The following CUX2 variants were observed in gnomAD, a reference collection of about 807,000 sequenced individuals.
The protein encoded by CUX2 is cut like homeobox 2, also known as homeobox protein cut-like 2.
Under a neutral mutation model 144.8 loss-of-function variants are expected in CUX2, and 40 were observed. That is an observed-to-expected ratio of 0.28 (90% CI 0.21 to 0.36). The LOEUF is 0.36. CUX2 is among the 10% of genes least tolerant of loss of function. The probability of loss-of-function intolerance (pLI) is 1.00; values close to 1 mark genes in which losing one functional copy is unlikely to be tolerated. For synonymous variants in CUX2, 827 were observed against 875.6 expected, an observed-to-expected ratio of 0.94 and a Z score of 0.98; for missense variants, 1,615 against 1,994.0, an observed-to-expected ratio of 0.81 and a Z score of 3.62.
At chr12:111,291,140 C>T (rs1038677951) in intron 4 of CUX2, among the ~76,000 whole-genome samples, 17 of 152,196 alleles carry the variant, frequency 1.1e-4, no homozygotes, top group African/African-American at 4.1e-4. Context: ...GCTGGGATTA[C>T]AGGCATGAGC....
chr12:111,180,173 G>C (rs1380018504), intron 1 of CUX2, among the ~76,000 whole-genome samples: 1 of 143,016 alleles, frequency 7.0e-6, no homozygotes, highest in Non-Finnish European at 1.5e-5. Context: ...AAGCTCATCA[G>C]AATTAAAGGA....
At chr12:111,080,228 C>T (rs1871803643) in intron 1 of CUX2, among the ~76,000 whole-genome samples, 1 of 152,122 alleles carries the variant, frequency 6.6e-6, no homozygotes, top group Non-Finnish European at 1.5e-5. Context: ...TCCAGCCACC[C>T]TGACTAAAAT....
intron 16 of CUX2, among the ~76,000 whole-genome samples, chr12:111,316,645 T>C (rs991904202): frequency 2.6e-5 from 4 of 151,980 alleles, no homozygotes; most frequent in Admixed American, 2.0e-4. Context: ...AGACGGGGTT[T>C]CACCACGTTG....
At chr12:111,234,437 C>G (rs1882629426) in intron 3 of CUX2, among the ~76,000 whole-genome samples, 1 of 152,152 alleles carries the variant, frequency 6.6e-6, no homozygotes, top group African/African-American at 2.4e-5. Flanking sequence ...GGCTGAGCCA[C>G]CATTGGGATC....
At chr12:111,060,201 C>T (rs1043089995) in intron 1 of CUX2, among the ~76,000 whole-genome samples, 4 of 152,194 alleles carry the variant, frequency 2.6e-5, no homozygotes, top group African/African-American at 4.8e-5. Flanking sequence ...GTGAGCACCT[C>T]CCCTCACCCT....
At chr12:111,111,200 G>A (rs1428841897) in intron 1 of CUX2, among the ~76,000 whole-genome samples, 1 of 152,148 alleles carries the variant, frequency 6.6e-6, no homozygotes, top group Non-Finnish European at 1.5e-5. Flanking sequence ...TGCTCAGGAG[G>A]CTGAGGCAGG....
rs148340056 is a variant in CUX2, at chr12:111,275,506, C to T, written c.301+11667C>T. Among the ~76,000 whole-genome samples the T allele has an allele frequency of 1.6e-3, 243 of 152,284 alleles. 2 individuals carry two copies. Among genetic ancestry groups the T allele is most frequent in the African/African-American group, 5.5e-3 (227 of 41,548 alleles). On this transcript the variant is annotated intron_variant, in intron 4 of 21. Transcript: ENST00000261726. ...CCGCATGTGTCGGCTGGAAGGCTTC[C>T]GGGAGAAGTGCTGAGCCCAACAGAA...
intron 1 of CUX2, among the ~76,000 whole-genome samples, chr12:111,091,082 G>A (rs1433349728): frequency 1.3e-5 from 2 of 152,172 alleles, no homozygotes; most frequent in Non-Finnish European, 2.9e-5. Context: ...CCTTGAGCCA[G>A]GAATTCAGTC....
chr12:111,280,649 C>T (rs1055251325), intron 4 of CUX2, among the ~76,000 whole-genome samples: 5 of 152,164 alleles, frequency 3.3e-5, no homozygotes, highest in Non-Finnish European at 4.4e-5. Flanking sequence ...GGGTGTCACA[C>T]GCCTCTCTCC....
chr12:111,275,509 G>A (rs866008518), intron 4 of CUX2, among the ~76,000 whole-genome samples: 27 of 152,196 alleles, frequency 1.8e-4, no homozygotes, highest in African/African-American at 6.5e-4. Flanking sequence ...AGGCTTCCGG[G>A]AGAAGTGCTG....
In CUX2 at chr12:111,310,457, G is replaced by T. The variant is rs1447819315; in HGVS notation, c.1675G>T (p.Ala559Ser). The T allele has an allele frequency of 6.2e-7, 1 of 1,613,506 alleles. No homozygotes were observed. The highest frequency in any genetic ancestry group is 8.5e-7 in the Non-Finnish European group (1 of 1,179,982). Residue 559 changes from alanine (A) to serine (S), a missense_variant, in exon 15 of 22, where the codon GCC (alanine) becomes TCC (serine). Physicochemically the swap from Ala to Ser is moderately conservative, Grantham distance 99. Coordinates refer to ENST00000261726, the MANE Select transcript of CUX2 (RefSeq NM_015267.4). The surrounding 1 kb of genome is among the most constrained non-coding windows in gnomAD (Gnocchi z 7.9). ...EEEQLDTAEIAFQVKEQLLKH... is the reference protein window; with the variant it reads ...EEEQLDTAEISFQVKEQLLKH... The stretch of plus-strand genomic sequence containing the variant: ...GGAGCAGCTGGACACGGCAGAGATC[G>T]CCTTCCAGGTGAAGGAGCAGCTGCT...
intron 3 of CUX2, among the ~76,000 whole-genome samples, chr12:111,241,356 T>A (rs923048313): frequency 4.6e-5 from 7 of 152,132 alleles, no homozygotes; most frequent in Admixed American, 1.3e-4. Flanking sequence ...AACTTCAACA[T>A]GAGTTTTGAT....
In CUX2 at chr12:111,079,484, C is replaced by G. The variant is rs75683752; in HGVS notation, c.63+45244C>G. 5.4e-3 allele frequency among the ~76,000 whole-genome samples: 822 copies of G among 152,224 alleles called. 11 individuals carry two copies. Among genetic ancestry groups the G allele is most frequent in the African/African-American group, 0.019 (776 of 41,532 alleles). ...CACAGCCCTACCTGGTCGCTCAAGC[C>G]CCTTCCCAGGCCCTGACCCCTCCCT... On this transcript the variant is annotated intron_variant, in intron 1 of 21. Transcript: ENST00000261726.
In CUX2 at chr12:111,217,957, G is replaced by T. The variant is rs749500899; in HGVS notation, c.222+20G>T. 6.2e-7 allele frequency: 1 copy of T among 1,613,720 alleles called. No individual in the cohort carries two copies. ...GCCGAGGTAAGACCCAGGGCCCACAGCATGTCAGAAAAGTGCCCCCAATGG... is the reference window on the plus strand; with the variant it reads ...GCCGAGGTAAGACCCAGGGCCCACATCATGTCAGAAAAGTGCCCCCAATGG... On this transcript the variant is annotated intron_variant, in intron 3 of 21. Coordinates refer to ENST00000261726, the MANE Select transcript of CUX2 (RefSeq NM_015267.4).
chr12:111,200,810 C>A (rs1041900938), intron 1 of CUX2, among the ~76,000 whole-genome samples: 14 of 152,154 alleles, frequency 9.2e-5, no homozygotes, highest in Admixed American at 6.5e-5. Context: ...ATCACCCCTA[C>A]GAAAATTTTC....
intron 19 of CUX2, among the ~76,000 whole-genome samples, chr12:111,337,521 CT>C (rs1338775815): frequency 2.0e-5 from 3 of 152,224 alleles, no homozygotes; most frequent in Non-Finnish European, 2.9e-5. Flanking sequence ...GCTTTTTCCA[CT>C]TTCCTGCTGC....
At chr12:111,273,407 C>T (rs559945024) in intron 4 of CUX2, among the ~76,000 whole-genome samples, 1 of 152,182 alleles carries the variant, frequency 6.6e-6, no homozygotes, top group Non-Finnish European at 1.5e-5. Context: ...CAAGGTCACA[C>T]AGCAGAGAAG....
chr12:111,126,981 C>T (rs1592920843), intron 1 of CUX2, among the ~76,000 whole-genome samples: 1 of 152,288 alleles, frequency 6.6e-6, no homozygotes, highest in East Asian at 1.9e-4. Context: ...CCTTGATACC[C>T]TACAGCTTAA....
chr12:111,284,392 G>A (rs1001194), intron 4 of CUX2, among the ~76,000 whole-genome samples: 7,469 of 152,156 alleles, frequency 0.049, 631 homozygotes, highest in African/African-American at 0.17. Flanking sequence ...CTCATGCTCC[G>A]TCTCAAAGCA....
Sources: allele counts gnomAD v4.1 joint callset (sites outside exome capture counted in the v4.1 genomes callset), GRCh38; gene constraint gnomAD v4.1.1; non-coding constraint Gnocchi (gnomAD v3.1); transcripts MANE v1.5; gene names NCBI Gene and HGNC (gene_info 2026-07-23, HGNC 2026-07-21).